The following SPAG5 variants were observed in gnomAD, a reference collection of about 807,000 sequenced individuals.
SPAG5 encodes the protein sperm associated antigen 5, also known as sperm-associated antigen 5.
SPAG5 carries 99 observed loss-of-function variants against 145.4 expected under a neutral mutation model. That is an observed-to-expected ratio of 0.68 (90% CI 0.58 to 0.80). SPAG5 has a LOEUF of 0.80. Among genes scored for constraint, SPAG5 ranks in the 30% least tolerant of loss-of-function variants. The pLI, the probability that SPAG5 is intolerant of heterozygous loss-of-function variation, is 0.00. For missense variants in SPAG5, 1,192 were observed against 1,416.0 expected (o/e 0.84, Z 2.54); for synonymous variants, 477 against 525.4 (o/e 0.91, Z 1.26).
chr17:28,598,891 C>CT lies in SPAG5; in HGVS notation c.51+4dup. On this transcript the variant is annotated splice_donor_region_variant and intron_variant, in intron 1 of 23. Coordinates refer to ENST00000321765, the MANE Select transcript of SPAG5 (RefSeq NM_006461.4). ...AGTTCTCTCCGCCAGAGATCTCCCG[C>CT]TTACCGTCTGGGGCGAAGGCGACAG... 6.2e-7 allele frequency: 1 copy of CT among 1,613,934 alleles called. No homozygotes were observed. Among genetic ancestry groups the CT allele is most frequent in the Non-Finnish European group, 8.5e-7 (1 of 1,179,916 alleles).
At chr17:28,577,875 ACAGAGAAGCCTG>A (rs1029937788) in intron 23 of SPAG5, 105 bp from the exon 24 acceptor site, 4 of 1,227,960 alleles carry the variant, frequency 3.3e-6, no homozygotes, top group Non-Finnish European at 4.8e-6. Context: ...AACAGACACC[ACAGAGAAGCCTG>A]CAATAGTGAT....
intron 19 of SPAG5, 75 bp downstream of exon 19, chr17:28,579,066 A>C: frequency 2.4e-5 from 30 of 1,252,826 alleles, no homozygotes; most frequent in Non-Finnish European, 3.3e-5. Context: ...AGATTCCTGG[A>C]GAGATAATGG....
At position 28,583,572 on chromosome 17, in the gene SPAG5, C is replaced by T. The variant is rs1230961680; in HGVS notation, c.2624G>A (p.Gly875Glu). The change falls in exon 15 of 24, where the codon GGG (glycine) becomes GAG (glutamate). Residue 875 changes from glycine to glutamate, a missense_variant. Around this residue, in one of 5 missense-constraint regions of SPAG5, gnomAD observed 709 missense variants for 840.7 expected, o/e 0.84. Transcript: ENST00000321765. The stretch of plus-strand genomic sequence containing the variant: ...GCTCTGTAGTTGCTCAGTCAGCAGC[C>T]CTAGCTTTTGAGAGTACTGCCGTGT... ...EKTRQYSQKL[G>E]LLTEQLQSLT... is the part of the protein sequence containing the mutation. 6.2e-7 allele frequency: 1 copy of T among 1,613,712 alleles called. No individual in the cohort carries two copies. The highest frequency in any genetic ancestry group is 2.2e-5 in the East Asian group (1 of 44,890).
intron 4 of SPAG5, among the ~76,000 whole-genome samples, chr17:28,590,284 C>T (rs561337756): frequency 6.6e-6 from 1 of 152,226 alleles, no homozygotes; most frequent in African/African-American, 2.4e-5. Flanking sequence ...GGCTGGAGTG[C>T]AGTGTCAAGA....
intron 2 of SPAG5, among the ~76,000 whole-genome samples, chr17:28,595,865 G>A (rs1301363849): frequency 6.6e-6 from 1 of 152,084 alleles, no homozygotes; most frequent in Non-Finnish European, 1.5e-5. Context: ...CCCCCAACAT[G>A]GTGAAACCCT....
chr17:28,577,983 G>A (rs370768537), intron 23 of SPAG5, 27 bp downstream of exon 23: 2 of 1,579,342 alleles, frequency 1.3e-6, no homozygotes, highest in African/African-American at 1.3e-5. Context: ...AGGTTCATTA[G>A]TGATATCACC....
intron 2 of SPAG5, among the ~76,000 whole-genome samples, chr17:28,597,291 A>C (rs547673834): frequency 2.6e-5 from 4 of 152,042 alleles, no homozygotes; most frequent in African/African-American, 9.6e-5. Flanking sequence ...GGTGGTGTGC[A>C]CCTGTAATCC....
chr17:28,583,841 T>C lies in SPAG5; in HGVS notation c.2546+12A>G, dbSNP rs1746095287. On this transcript the variant is annotated intron_variant, in intron 14 of 23. Coordinates refer to ENST00000321765, the MANE Select transcript of SPAG5 (RefSeq NM_006461.4). Reference sequence around the variant, plus strand: ...GCACTTAGGGGGAAGTACAGAAAGTTAGAGAACTTACGTTAGGTTCTCTAC... The same window carrying C: ...GCACTTAGGGGGAAGTACAGAAAGTCAGAGAACTTACGTTAGGTTCTCTAC... 2 of 1,600,870 alleles carry C rather than the reference T, an allele frequency of 1.2e-6. No homozygotes were observed. Among genetic ancestry groups the C allele is most frequent in the African/African-American group, 2.7e-5 (2 of 74,496 alleles).
intron 2 of SPAG5, among the ~76,000 whole-genome samples, chr17:28,597,058 A>G (rs983792240): frequency 4.6e-5 from 7 of 151,728 alleles, no homozygotes; most frequent in African/African-American, 1.5e-4. Context: ...TTGGACTCCA[A>G]CCTGGGCAAC....
At position 28,592,015 on chromosome 17, in the gene SPAG5, T is replaced by C; in HGVS notation, c.1229A>G (p.His410Arg). The C allele has an allele frequency of 6.2e-7, 1 of 1,614,196 alleles. No individual in the cohort carries two copies. Among genetic ancestry groups the C allele is most frequent in the South Asian group, 1.1e-5 (1 of 91,084 alleles). ...TSQTGLVGTK[H>R]STSETEQLLC... is the part of the protein sequence containing the mutation. The stretch of plus-strand genomic sequence containing the variant: ...GAGCTGCTCTGTCTCAGAAGTACTG[T>C]GCTTGGTGCCAACCAGGCCTGTCTG... The change falls in exon 3 of 24, where the codon CAC becomes CGC. Residue 410 changes from histidine to arginine, a missense_variant. Coordinates refer to ENST00000321765, the MANE Select transcript of SPAG5 (RefSeq NM_006461.4).
In SPAG5 at chr17:28,583,733, A is replaced by G. The variant is rs886523737; in HGVS notation, c.2547-84T>C. The G allele has an allele frequency of 1.9e-6, 3 of 1,544,124 alleles. No homozygotes were observed. The Admixed American group carries it at 6.1e-5, about 31-fold the overall frequency. On this transcript the variant is annotated intron_variant, in intron 14 of 23. Transcript: ENST00000321765. ...CCCAAATCCCCACAGAGCTGCATTA[A>G]AGGAGAGAAACAAGAGGCTCAACAC...
Position 28,591,723 on chromosome 17 carries a change from G to A in SPAG5, c.1412C>T (p.Thr471Ile). The A allele has an allele frequency of 1.2e-6, 2 of 1,613,820 alleles. No individual in the cohort carries two copies. The highest frequency in any genetic ancestry group is 1.7e-6 in the Non-Finnish European group (2 of 1,179,862). The change falls in exon 4 of 24, where the codon ACA becomes ATA. Residue 471 changes from threonine (T) to isoleucine (I), a missense_variant. By Grantham distance (89) the Thr-to-Ile change is moderately conservative. This residue lies in a region of SPAG5 where 8 missense variants were observed against 28.9 expected (regional missense o/e 0.28). Transcript: ENST00000321765. ...CCCACTGTGAGATGTGTCAGTCTGT[G>A]TGCTACTGTCCTGGGTTTCTGGGTG... Reference protein sequence around the residue: ...VPHPETQDSSTQTDTSHSGIT... With the variant: ...VPHPETQDSSIQTDTSHSGIT...
In SPAG5 at chr17:28,584,811, A is replaced by C. The variant is rs1211865849; in HGVS notation, c.2068-66T>G. The stretch of plus-strand genomic sequence containing the variant: ...AATCAATAATCCCAGGACTTGGTCC[A>C]GCTTCTCTTTCTGGACAAGACAGAA... On this transcript the variant is annotated intron_variant, in intron 10 of 23. Coordinates refer to ENST00000321765, the MANE Select transcript of SPAG5 (RefSeq NM_006461.4). The C allele has an allele frequency of 2.4e-6, 3 of 1,259,824 alleles. No individual in the cohort carries two copies. In the African/African-American group the frequency reaches 4.4e-5, roughly 19 times the overall value. The allele number at this position is 1,259,824 out of a possible 1,614,324, so 78.0% of individuals were successfully genotyped here.
At chr17:28,579,324 G>A in intron 18 of SPAG5, 41 bp downstream of exon 18, 3 of 1,613,748 alleles carry the variant, frequency 1.9e-6, no homozygotes, top group Non-Finnish European at 2.5e-6. Context: ...ATAAGAGGAT[G>A]TCTCACTGTC....
chr17:28,596,454 G>C (rs567892804), intron 2 of SPAG5, among the ~76,000 whole-genome samples: 1 of 152,190 alleles, frequency 6.6e-6, no homozygotes, highest in African/African-American at 2.4e-5. Context: ...GATCACCTGA[G>C]GTCAGGAATT....
Position 28,598,955 on chromosome 17 carries a change from A to G in SPAG5, c.-9T>C, listed in dbSNP as rs759017849. ...TTTTTCACTCGCCACATCTTCAACC[A>G]GAAGGCAGGCCTATCACGTCTCAGA... is the stretch of plus-strand genomic sequence containing the variant. On this transcript the variant is annotated 5_prime_UTR_variant, in exon 1 of 24. Coordinates refer to ENST00000321765, the MANE Select transcript of SPAG5 (RefSeq NM_006461.4). The G allele has an allele frequency of 2.5e-6, 4 of 1,613,768 alleles. No homozygotes were observed. The South Asian group carries it at 4.4e-5, about 18-fold the overall frequency.
chr17:28,584,302 C>T, intron 12 of SPAG5, 31 bp downstream of exon 12: 1 of 1,614,046 alleles, frequency 6.2e-7, no homozygotes, highest in South Asian at 1.1e-5. Context: ...TCCTGGATGC[C>T]TACTGCCACA....
intron 2 of SPAG5, among the ~76,000 whole-genome samples, chr17:28,595,801 T>C (rs1200655716): frequency 6.6e-6 from 1 of 151,468 alleles, no homozygotes; most frequent in East Asian, 1.9e-4. Flanking sequence ...ATCCCAGCAC[T>C]TTGGGAGGCT....
chr17:28,585,365 C>T lies in SPAG5; in HGVS notation c.1907G>A (p.Ser636Asn), dbSNP rs367785374. The part of the protein sequence containing the change: ...KQEELVQQTV[S>N]LTSTLQQDWR... The stretch of plus-strand genomic sequence containing the variant: ...GTCTTGTTGCAAGGTAGAAGTAAGA[C>T]TCACTGTCTGCTGAACCAGCTCTTC... Residue 636 changes from serine (S) to asparagine (N), a missense_variant, in exon 9 of 24, where the codon AGT (serine) becomes AAT (asparagine). Coordinates refer to ENST00000321765, the MANE Select transcript of SPAG5 (RefSeq NM_006461.4). 5.2e-5 allele frequency: 84 copies of T among 1,614,248 alleles called. No individual in the cohort carries two copies. The African/African-American group carries it at 1.1e-3, about 20-fold the overall frequency.
Sources: allele counts gnomAD v4.1 joint callset (sites outside exome capture counted in the v4.1 genomes callset), GRCh38; gene constraint gnomAD v4.1.1; regional missense constraint gnomAD v4.1.1; transcripts MANE v1.5; gene names NCBI Gene and HGNC (gene_info 2026-07-23, HGNC 2026-07-21).